Variants in DLG2 observed in about 807,000 individuals in gnomAD.
The protein encoded by DLG2 is discs large MAGUK scaffold protein 2, also known as disks large homolog 2.
A neutral mutation model predicts 132.5 loss-of-function variants in DLG2; 45 were observed. The ratio of observed to expected loss-of-function variants is 0.34; its 90% CI spans 0.27 to 0.44. DLG2 has a LOEUF of 0.44. Among genes scored for constraint, DLG2 ranks in the 20% least tolerant of loss-of-function variants. The pLI, the probability that DLG2 is intolerant of heterozygous loss-of-function variation, is 1.00. For missense variants in DLG2, 1,045 were observed against 1,196.9 expected (o/e 0.87, Z 1.87); for synonymous variants, 424 against 419.6 (o/e 1.01, Z -0.13).
chr11:84,797,194 G>A (rs926917404), intron 6 of DLG2, among the ~76,000 whole-genome samples: 1 of 152,090 alleles, frequency 6.6e-6, no homozygotes, highest in Non-Finnish European at 1.5e-5. Flanking sequence ...ATTTTTAAAT[G>A]TCTTGAGGTA....
At chr11:84,192,623 G>A (rs192972340) in intron 8 of DLG2, among the ~76,000 whole-genome samples, 40 of 152,150 alleles carry the variant, frequency 2.6e-4, no homozygotes, top group Middle Eastern at 3.4e-3. Context: ...CCAGCTACTC[G>A]GGAGGCTGAG....
At chr11:84,436,224 A>T (rs916590426) in intron 7 of DLG2, among the ~76,000 whole-genome samples, 1 of 152,170 alleles carries the variant, frequency 6.6e-6, no homozygotes, top group Non-Finnish European at 1.5e-5. Context: ...CAAGTCAGTT[A>T]CGTTCTAAAA....
At chr11:83,579,761 G>A (rs936980083) in intron 19 of DLG2, among the ~76,000 whole-genome samples, 2 of 152,026 alleles carry the variant, frequency 1.3e-5, no homozygotes, top group African/African-American at 4.8e-5. Flanking sequence ...ATGAGGTCAG[G>A]AGATCGAGAC....
intron 9 of DLG2, among the ~76,000 whole-genome samples, chr11:84,145,317 AC>A (rs1278995247): frequency 2.6e-5 from 4 of 152,238 alleles, no homozygotes; most frequent in African/African-American, 9.6e-5. Context: ...CACAGAATGT[AC>A]TTAAGCAAAC....
chr11:85,380,624 C>A (rs1236728616), intron 3 of DLG2, among the ~76,000 whole-genome samples: 2 of 152,166 alleles, frequency 1.3e-5, no homozygotes, highest in African/African-American at 4.8e-5. Context: ...TGCACCATTG[C>A]TCTGCAGCCT....
chr11:84,157,708 G>A lies in DLG2; in HGVS notation c.624+5753C>T, dbSNP rs890451610. On this transcript the variant is annotated intron_variant, in intron 9 of 27. Coordinates refer to ENST00000376104, the MANE Select transcript of DLG2 (RefSeq NM_001142699.3). Reference sequence around the variant, plus strand: ...ACATATTGAGAGCAATCTACTTATCGTCATAGTTTTTGTGCATTTACTTCT... The same window carrying A: ...ACATATTGAGAGCAATCTACTTATCATCATAGTTTTTGTGCATTTACTTCT... 6.6e-5 allele frequency among the ~76,000 whole-genome samples: 10 copies of A among 152,254 alleles called. No homozygotes were observed. In the South Asian group the frequency reaches 1.2e-3, roughly 19 times the overall value.
chr11:83,495,572 T>G (rs2094109088), intron 21 of DLG2, among the ~76,000 whole-genome samples: 1 of 152,148 alleles, frequency 6.6e-6, no homozygotes, highest in African/African-American at 2.4e-5. Flanking sequence ...TATTATTCTC[T>G]GTCTGCTGCT....
chr11:84,275,407 T>C (rs1164857598), intron 7 of DLG2, among the ~76,000 whole-genome samples: 1 of 151,972 alleles, frequency 6.6e-6, no homozygotes, highest in Non-Finnish European at 1.5e-5. Context: ...CAGGCTGGAG[T>C]GCAGTGGCAC....
In DLG2 at chr11:85,358,964, G is replaced by A. The variant is rs564333940; in HGVS notation, c.41-73599C>T. ...TTCTCTTCAGAACTCACTACTCTGC[G>A]CTTTATCTAAATTTATACTAGATTT... On this transcript the variant is annotated intron_variant, in intron 3 of 27. Transcript: ENST00000376104. Among the ~76,000 whole-genome samples, 32 of 151,578 alleles carry A rather than the reference G, an allele frequency of 2.1e-4. 1 individual carries two copies. The highest frequency in any genetic ancestry group is 2.0e-3 in the Admixed American group (30 of 15,212).
intron 7 of DLG2, among the ~76,000 whole-genome samples, chr11:84,382,850 C>T (rs185529124): frequency 2.0e-5 from 3 of 150,250 alleles, no homozygotes; most frequent in East Asian, 3.9e-4. Context: ...CCAGTCTAGG[C>T]GACAGAGCGA....
At chr11:84,278,979 A>G (rs1225754523) in intron 7 of DLG2, among the ~76,000 whole-genome samples, 1 of 152,210 alleles carries the variant, frequency 6.6e-6, no homozygotes, top group Non-Finnish European at 1.5e-5. Context: ...ATGGGATCTA[A>G]CTAAAGAGCT....
chr11:83,711,651 T>C (rs2085455756), intron 18 of DLG2, among the ~76,000 whole-genome samples: 1 of 152,172 alleles, frequency 6.6e-6, no homozygotes, highest in African/African-American at 2.4e-5. Flanking sequence ...CAGAAAAACA[T>C]AATTGAACAC....
chr11:84,854,433 T>C (rs909069499), intron 6 of DLG2, among the ~76,000 whole-genome samples: 9 of 151,954 alleles, frequency 5.9e-5, no homozygotes, highest in African/African-American at 1.7e-4. Flanking sequence ...ACCTGTGAAG[T>C]AGCAGATGAT....
At chr11:83,740,458 T>C (rs771332244) in intron 18 of DLG2, among the ~76,000 whole-genome samples, 7 of 152,168 alleles carry the variant, frequency 4.6e-5, no homozygotes, top group Non-Finnish European at 8.8e-5. Flanking sequence ...GGATAAAAAC[T>C]AATCAAAGAC....
In DLG2 at chr11:83,458,151, G is replaced by A. The variant is rs976920891; in HGVS notation, c.*1667C>T. 1 of 152,556 alleles carries A rather than the reference G, an allele frequency of 6.6e-6. No individual in the cohort carries two copies. The highest frequency in any genetic ancestry group is 6.5e-5 in the Admixed American group (1 of 15,272). 9.5% of individuals were successfully genotyped at this position (152,556 alleles called of 1,614,324 possible). A position where few individuals can be genotyped will look rare whatever the true frequency, so the allele number is the denominator to read the frequency against. ...TCTGGATGTACCCCAGAAATAAGGC[G>A]ATGGGGCTTAGTCTGGGCATGCACA... On this transcript the variant is annotated 3_prime_UTR_variant, in exon 28 of 28. Transcript: ENST00000376104.
At chr11:83,627,434 A>T (rs1041142576) in intron 19 of DLG2, among the ~76,000 whole-genome samples, 15 of 151,896 alleles carry the variant, frequency 9.9e-5, no homozygotes, top group African/African-American at 3.4e-4. Context: ...TCATTGTTCA[A>T]TTCCCACCTA....
At chr11:83,704,522 A>T (rs751276284) in intron 18 of DLG2, among the ~76,000 whole-genome samples, 3 of 152,030 alleles carry the variant, frequency 2.0e-5, no homozygotes, top group Non-Finnish European at 4.4e-5. Flanking sequence ...TTTTTAAAAA[A>T]AATGTATAAT....
At chr11:84,596,379 CTTTTTTT>C (rs1211350827) in intron 6 of DLG2, among the ~76,000 whole-genome samples, 2 of 121,746 alleles carry the variant, frequency 1.6e-5, no homozygotes, top group Non-Finnish European at 3.6e-5. Flanking sequence ...AGATAATTTT[CTTTTTTT>C]TTTTTTTTTT....
intron 6 of DLG2, among the ~76,000 whole-genome samples, chr11:84,653,316 T>A (rs2099684371): frequency 6.6e-6 from 1 of 152,204 alleles, no homozygotes; most frequent in African/African-American, 2.4e-5. Context: ...CAATTCTAAC[T>A]GAAGGCTCTT....
Sources: allele counts gnomAD v4.1 joint callset (sites outside exome capture counted in the v4.1 genomes callset), GRCh38; gene constraint gnomAD v4.1.1; transcripts MANE v1.5; gene names NCBI Gene and HGNC (gene_info 2026-07-23, HGNC 2026-07-21).